The following EML6 variants were observed in gnomAD, a reference collection of about 807,000 sequenced individuals.
EML6 encodes the protein EMAP like 6.
In EML6, 154 loss-of-function variants were observed where a neutral mutation model predicts 240.1. The observed-to-expected ratio is 0.64, with a 90% confidence interval of 0.56 to 0.73. The LOEUF (loss-of-function observed/expected upper bound fraction) is 0.73, where lower values mean the gene tolerates loss of function less well. Among genes scored for constraint, EML6 ranks in the 30% least tolerant of loss-of-function variants. The pLI, the probability that EML6 is intolerant of heterozygous loss-of-function variation, is 0.00. For synonymous variants in EML6, 1,148 were observed against 899.0 expected (o/e 1.28, Z -4.95); for missense variants, 2,964 against 2,474.6 (o/e 1.20, Z -4.20).
chr2:54,769,067 T>G (rs1006518106), intron 2 of EML6, among the ~76,000 whole-genome samples: 5 of 152,188 alleles, frequency 3.3e-5, no homozygotes, highest in African/African-American at 1.2e-4. Context: ...AATGACTTAT[T>G]TTGATTAATC....
At chr2:54,766,401 A>C (rs1668189225) in intron 2 of EML6, among the ~76,000 whole-genome samples, 3 of 152,168 alleles carry the variant, frequency 2.0e-5, no homozygotes, top group Admixed American at 2.0e-4. Flanking sequence ...GAAGAATACA[A>C]GGCAGTTATT....
intron 29 of EML6, among the ~76,000 whole-genome samples, chr2:54,950,278 C>T (rs1675909135): frequency 6.6e-6 from 1 of 152,188 alleles, no homozygotes; most frequent in South Asian, 2.1e-4. Context: ...TAGAGCAAAC[C>T]TCTGAGCCAC....
chr2:54,889,826 C>T (rs1478725941), intron 17 of EML6, among the ~76,000 whole-genome samples: 1 of 152,120 alleles, frequency 6.6e-6, no homozygotes, highest in African/African-American at 2.4e-5. Flanking sequence ...GGTAATTATC[C>T]TGACTCTATT....
intron 9 of EML6, among the ~76,000 whole-genome samples, chr2:54,849,483 T>C (rs185010003): frequency 5.9e-5 from 9 of 152,360 alleles, no homozygotes; most frequent in Non-Finnish European, 1.5e-5. Context: ...CAGTTTGTTA[T>C]TCTCCTAAAA....
At chr2:54,808,768 T>G (rs765609379) in intron 2 of EML6, among the ~76,000 whole-genome samples, 1 of 152,194 alleles carries the variant, frequency 6.6e-6, no homozygotes, top group Non-Finnish European at 1.5e-5. Flanking sequence ...CCCTTTTGAT[T>G]CTCATCTTTT....
chr2:54,922,679 G>A (rs1674321101), intron 26 of EML6, among the ~76,000 whole-genome samples: 1 of 152,110 alleles, frequency 6.6e-6, no homozygotes, highest in South Asian at 2.1e-4. Flanking sequence ...GGAAATTATT[G>A]TGTATATATA....
At chr2:54,887,315 C>A (rs188050605) in intron 17 of EML6, among the ~76,000 whole-genome samples, 1 of 152,300 alleles carries the variant, frequency 6.6e-6, no homozygotes, top group East Asian at 1.9e-4. Context: ...ATCATTCATT[C>A]TTCACGTTAG....
chr2:54,957,286 T>C (rs1676273420), intron 32 of EML6, among the ~76,000 whole-genome samples: 3 of 148,584 alleles, frequency 2.0e-5, no homozygotes. Flanking sequence ...GGTAAAAAAA[T>C]TTAAACCTAA....
chr2:54,930,396 T>TGATA (rs1208089151), intron 28 of EML6, among the ~76,000 whole-genome samples: 2 of 152,196 alleles, frequency 1.3e-5, no homozygotes, highest in African/African-American at 4.8e-5. Flanking sequence ...GGAGGACTGA[T>TGATA]GATAGAGAGG....
intron 12 of EML6, among the ~76,000 whole-genome samples, chr2:54,862,164 C>T (rs1382911434): frequency 6.6e-6 from 1 of 151,546 alleles, no homozygotes; most frequent in Admixed American, 6.6e-5. Context: ...TGGTGAAACA[C>T]CCTGTCTCTA....
chr2:54,816,282 A>T (rs1349546619), intron 3 of EML6, among the ~76,000 whole-genome samples: 1 of 152,190 alleles, frequency 6.6e-6, no homozygotes, highest in Non-Finnish European at 1.5e-5. Context: ...GATTACTTCT[A>T]CTTAGATTAT....
At chr2:54,819,724 G>C (rs930344696) in intron 4 of EML6, among the ~76,000 whole-genome samples, 1 of 96,018 alleles carries the variant, frequency 1.0e-5, no homozygotes, top group East Asian at 2.2e-4. Context: ...GCAGTGAGCC[G>C]AGATCACGCC....
Position 54,869,237 on chromosome 2 carries a change from T to G in EML6, c.2108T>G (p.Val703Gly). 1 of 1,551,778 alleles carries G rather than the reference T, an allele frequency of 6.4e-7. No individual in the cohort carries two copies. Among genetic ancestry groups the G allele is most frequent in the Non-Finnish European group, 8.7e-7 (1 of 1,146,892 alleles). ...TTCTACACACAAGCTGGAGAAGTAG[T>G]CTACCACATTGCTGCAGTTGCTGTC... ...NLFYTQAGEV[V>G]YHIAAVAVVY... is the part of the protein sequence containing the mutation. The change falls in exon 15 of 42, where the codon GTC (valine) becomes GGC (glycine). Residue 703 changes from valine (V) to glycine (G), a missense_variant. Transcript: ENST00000356458.
At chr2:54,778,388 G>A (rs1668690722) in intron 2 of EML6, among the ~76,000 whole-genome samples, 1 of 152,108 alleles carries the variant, frequency 6.6e-6, no homozygotes. Context: ...AGAGTTTTCT[G>A]TCTGGGATGA....
Position 54,892,522 on chromosome 2 carries a change from T to A in EML6, c.2608T>A (p.Ser870Thr). Residue 870 changes from serine (S) to threonine (T), a missense_variant, in exon 19 of 42, where the codon TCT (serine) becomes ACT (threonine). Transcript: ENST00000356458. Reference protein sequence around the residue: ...VGKLETMMCVSYGRMEDLVFS... With the variant: ...VGKLETMMCVTYGRMEDLVFS... ...AAAATTGGAAACAATGATGTGTGTT[T>A]CTTACGGACGAATGGAAGATCTAGT... 1.3e-6 allele frequency: 2 copies of A among 1,551,540 alleles called. No individual in the cohort carries two copies. The highest frequency in any genetic ancestry group is 1.7e-6 in the Non-Finnish European group (2 of 1,146,826).
chr2:54,882,873 A>AAAAAAAAAAAAAAAAT (rs796515025), intron 17 of EML6: 1 of 112,358 alleles, frequency 8.9e-6, no homozygotes. Context: ...AAAAAAAAAA[A>AAAAAAAAAAAAAAAAT]AGAAAGCTTA....
At chr2:54,914,765 A>G (rs1431459909) in intron 25 of EML6, among the ~76,000 whole-genome samples, 2 of 150,980 alleles carry the variant, frequency 1.3e-5, no homozygotes, top group African/African-American at 4.8e-5. Context: ...GGGATTTTGG[A>G]AAATCTTTTT....
At chr2:54,929,601 T>C (rs1674745141) in intron 28 of EML6, among the ~76,000 whole-genome samples, 1 of 152,158 alleles carries the variant, frequency 6.6e-6, no homozygotes, top group Non-Finnish European at 1.5e-5. Context: ...ATTCAAGTAG[T>C]TTGCATTTAG....
At chr2:54,840,867 T>C (rs1372690561) in intron 7 of EML6, among the ~76,000 whole-genome samples, 1 of 152,214 alleles carries the variant, frequency 6.6e-6, no homozygotes, top group Non-Finnish European at 1.5e-5. Flanking sequence ...TTTGCTGATG[T>C]TGAAATATCA....
Sources: allele counts gnomAD v4.1 joint callset (sites outside exome capture counted in the v4.1 genomes callset), GRCh38; gene constraint gnomAD v4.1.1; transcripts MANE v1.5; gene names NCBI Gene and HGNC (gene_info 2026-07-23, HGNC 2026-07-21).